The following NEURL1 variants were observed in gnomAD, a reference collection of about 807,000 sequenced individuals.
NEURL1 encodes neuralized E3 ubiquitin protein ligase 1, also known as E3 ubiquitin-protein ligase NEURL1.
In NEURL1, 26 loss-of-function variants were observed where a neutral mutation model predicts 41.2. The observed-to-expected ratio is 0.63, with a 90% confidence interval of 0.46 to 0.87. NEURL1 has a LOEUF of 0.87. Among genes scored for constraint, NEURL1 ranks in the 40% least tolerant of loss-of-function variants. The probability of loss-of-function intolerance (pLI) is 0.00; values close to 1 mark genes in which losing one functional copy is unlikely to be tolerated. For synonymous variants in NEURL1, 400 were observed against 402.3 expected, an observed-to-expected ratio of 0.99 and a Z score of 0.07; for missense variants, 761 against 871.1, an observed-to-expected ratio of 0.87 and a Z score of 1.59.
chr10:103,505,792 C>T (rs1305607089), intron 1 of NEURL1, among the ~76,000 whole-genome samples: 1 of 152,216 alleles, frequency 6.6e-6, no homozygotes, highest in Non-Finnish European at 1.5e-5. Context: ...GAGCTGCTGC[C>T]GGGTACAGCA....
In NEURL1 at chr10:103,584,754, C is replaced by T. The variant is rs1164287691; in HGVS notation, c.868C>T (p.Leu290Phe). 2 of 1,458,450 alleles carry T rather than the reference C, an allele frequency of 1.4e-6. No homozygotes were observed. The highest frequency in any genetic ancestry group is 1.8e-6 in the Non-Finnish European group (2 of 1,109,892). The allele number at this position is 1,458,450 out of a possible 1,614,324, so 90.3% of individuals were successfully genotyped here. ...GCACAGCCGCGCGCTGCCGGCGCAGCTCGACGGCGACCTGCGTTTCCACGC... is the reference window on the plus strand; with the variant it reads ...GCACAGCCGCGCGCTGCCGGCGCAGTTCGACGGCGACCTGCGTTTCCACGC... The part of the protein sequence containing the change: ...SQHSRALPAQ[L>F]DGDLRFHALR... Residue 290 changes from leucine to phenylalanine, a missense_variant, in exon 4 of 6, where the codon CTC becomes TTC. This residue lies in a region of NEURL1 where 443 missense variants were observed against 408.1 expected (regional missense o/e 1.09). Transcript: ENST00000369780.
intron 1 of NEURL1, among the ~76,000 whole-genome samples, chr10:103,520,836 A>G (rs1392563035): frequency 6.6e-6 from 1 of 151,958 alleles, no homozygotes; most frequent in Non-Finnish European, 1.5e-5. Context: ...GTAAGGGGTG[A>G]TATTGTGGGG....
chr10:103,510,704 C>T (rs2034050228), intron 1 of NEURL1, among the ~76,000 whole-genome samples: 1 of 152,214 alleles, frequency 6.6e-6, no homozygotes, highest in South Asian at 2.1e-4. Context: ...GCCTGAGAAA[C>T]ATCTGTGTCT....
intron 1 of NEURL1, among the ~76,000 whole-genome samples, chr10:103,515,062 T>C (rs2034167960): frequency 6.6e-6 from 1 of 152,010 alleles, no homozygotes; most frequent in East Asian, 1.9e-4. Flanking sequence ...ACTCTGTCTG[T>C]ACTAAAAATA....
At chr10:103,531,226 A>T (rs1194081783) in intron 1 of NEURL1, among the ~76,000 whole-genome samples, 2 of 152,108 alleles carry the variant, frequency 1.3e-5, no homozygotes, top group Non-Finnish European at 2.9e-5. Context: ...TCTCAAAAAA[A>T]AAATGTGTTC....
At chr10:103,500,300 C>A (rs1245426152) in intron 1 of NEURL1, among the ~76,000 whole-genome samples, 2 of 152,192 alleles carry the variant, frequency 1.3e-5, no homozygotes, top group African/African-American at 4.8e-5. Context: ...TTAATACCCT[C>A]CCAACAACCT....
At chr10:103,571,203 C>A in intron 2 of NEURL1, 90 bp downstream of exon 2, 3 of 1,313,232 alleles carry the variant, frequency 2.3e-6, no homozygotes, top group Non-Finnish European at 3.2e-6. Flanking sequence ...CCCTCAGCCG[C>A]TGCCTGCTGC....
chr10:103,543,851 A>G (rs2034871251), intron 1 of NEURL1, among the ~76,000 whole-genome samples: 1 of 152,170 alleles, frequency 6.6e-6, no homozygotes, highest in African/African-American at 2.4e-5. Flanking sequence ...TTCAAAAAGC[A>G]ACAGACAAGT....
At chr10:103,520,486 G>T (rs2034322190) in intron 1 of NEURL1, among the ~76,000 whole-genome samples, 1 of 152,170 alleles carries the variant, frequency 6.6e-6, no homozygotes, top group Admixed American at 6.6e-5. Flanking sequence ...TTAAGGTGGG[G>T]CAGGAACAAA....
rs139743431 is a variant in NEURL1 at position 103,568,469 on chromosome 10, G to A, written c.86-2403G>A. On this transcript the variant is annotated intron_variant, in intron 1 of 5. Coordinates refer to ENST00000369780, the MANE Select transcript of NEURL1 (RefSeq NM_004210.5). ...CCTGCAGTTGCTCCGTGGATTCTGA[G>A]TAGAGGCTGGGGAGGGGGAACCCCA... is the stretch of plus-strand genomic sequence containing the variant. Among the ~76,000 whole-genome samples the A allele has an allele frequency of 6.7e-3, 1,023 of 152,290 alleles. 9 individuals carry two copies. Among genetic ancestry groups the A allele is most frequent in the African/African-American group, 0.023 (951 of 41,560 alleles).
chr10:103,516,240 AAAAAG>A (rs2034203671), intron 1 of NEURL1, among the ~76,000 whole-genome samples: 2 of 150,938 alleles, frequency 1.3e-5, no homozygotes, highest in African/African-American at 2.4e-5. Flanking sequence ...AAAAAAAAAA[AAAAAG>A]AAAAGAAAAA....
intron 1 of NEURL1, among the ~76,000 whole-genome samples, chr10:103,562,496 A>G (rs2035318958): frequency 6.6e-6 from 1 of 152,226 alleles, no homozygotes; most frequent in Non-Finnish European, 1.5e-5. Context: ...GTGCAGTGCT[A>G]CTCTGCAGAA....
At chr10:103,568,887 T>A (rs912289294) in intron 1 of NEURL1, among the ~76,000 whole-genome samples, 2 of 152,214 alleles carry the variant, frequency 1.3e-5, no homozygotes, top group Admixed American at 6.5e-5. Context: ...CGATCTTGGC[T>A]CACTGCAACC....
intron 1 of NEURL1, among the ~76,000 whole-genome samples, chr10:103,551,682 C>T (rs761742058): frequency 6.6e-6 from 1 of 152,228 alleles, no homozygotes; most frequent in African/African-American, 2.4e-5. Context: ...CCGGGGCTGC[C>T]TCTCCCTCTA....
chr10:103,508,594 C>T lies in NEURL1; in HGVS notation c.85+14122C>T, dbSNP rs1032326942. On this transcript the variant is annotated intron_variant, in intron 1 of 5. Transcript: ENST00000369780. The surrounding 1 kb of genome is among the most constrained non-coding windows in gnomAD (Gnocchi z 4.3). ...GAGGGCTGAGAGGGCTTAGCCAGTG[C>T]CTGAGAGGGGCAGAAGGGGTTTTCC... 1.3e-5 allele frequency among the ~76,000 whole-genome samples: 2 copies of T among 152,120 alleles called. No individual in the cohort carries two copies. Among genetic ancestry groups the T allele is most frequent in the African/African-American group, 4.8e-5 (2 of 41,416 alleles).
At chr10:103,503,284 C>T (rs79593320) in intron 1 of NEURL1, among the ~76,000 whole-genome samples, 5,664 of 152,244 alleles carry the variant, frequency 0.037, 90 homozygotes, top group Non-Finnish European at 0.045. Context: ...CAGGAGTCAT[C>T]CCCCGGATGG....
Position 103,520,682 on chromosome 10 carries a change from A to C in NEURL1, c.85+26210A>C, listed in dbSNP as rs531808097. On this transcript the variant is annotated intron_variant, in intron 1 of 5. Transcript: ENST00000369780. ...ATTAATAAGAAAAATAACATAAAAT[A>C]GTGTCGAAGTGTTGGGGCAGGGAAA... Among the ~76,000 whole-genome samples the C allele has an allele frequency of 5.0e-4, 76 of 152,212 alleles. 1 individual carries two copies. The highest frequency in any genetic ancestry group is 4.1e-3 in the Admixed American group (62 of 15,294).
At chr10:103,551,755 T>C (rs948261608) in intron 1 of NEURL1, among the ~76,000 whole-genome samples, 8 of 152,166 alleles carry the variant, frequency 5.3e-5, no homozygotes, top group African/African-American at 1.9e-4. Context: ...AGGACATTGA[T>C]TGCCACATCC....
At chr10:103,562,364 C>T (rs1173600739) in intron 1 of NEURL1, among the ~76,000 whole-genome samples, 1 of 152,154 alleles carries the variant, frequency 6.6e-6, no homozygotes, top group Admixed American at 6.5e-5. Flanking sequence ...CCCTGGGTGA[C>T]CGAGCCAGAC....
Sources: allele counts gnomAD v4.1 joint callset (sites outside exome capture counted in the v4.1 genomes callset), GRCh38; gene constraint gnomAD v4.1.1; regional missense constraint gnomAD v4.1.1; non-coding constraint Gnocchi (gnomAD v3.1); transcripts MANE v1.5; gene names NCBI Gene and HGNC (gene_info 2026-07-23, HGNC 2026-07-21).